The following CYP39A1 variants were observed in gnomAD, a reference collection of about 807,000 sequenced individuals.
CYP39A1 encodes cytochrome P450 family 39 subfamily A member 1.
A neutral mutation model predicts 58.1 loss-of-function variants in CYP39A1; 49 were observed. That is an observed-to-expected ratio of 0.84 (90% CI 0.67 to 1.07). CYP39A1 has a LOEUF of 1.07. CYP39A1 is among the 50% of genes least tolerant of loss of function. The pLI, the probability that CYP39A1 is intolerant of heterozygous loss-of-function variation, is 0.00. For synonymous variants in CYP39A1, 209 were observed against 187.6 expected (o/e 1.11, Z -0.93); for missense variants, 531 against 539.4 (o/e 0.98, Z 0.16).
chr6:46,594,809 A>G (rs1246256199), intron 8 of CYP39A1, among the ~76,000 whole-genome samples: 1 of 152,016 alleles, frequency 6.6e-6, no homozygotes, highest in Non-Finnish European at 1.5e-5. Flanking sequence ...AAATAGAAAA[A>G]TGGGATTACA....
chr6:46,644,483 T>C (rs879237462), intron 1 of CYP39A1, among the ~76,000 whole-genome samples: 4 of 152,134 alleles, frequency 2.6e-5, no homozygotes, highest in Non-Finnish European at 5.9e-5. Flanking sequence ...TTTGCACCAC[T>C]GCACTCTGGG....
intron 10 of CYP39A1, among the ~76,000 whole-genome samples, chr6:46,580,554 C>T (rs534722514): frequency 1.2e-4 from 19 of 152,214 alleles, no homozygotes; most frequent in African/African-American, 3.6e-4. Flanking sequence ...AAACTGTCAA[C>T]GGAGTAAACA....
chr6:46,636,324 A>G, intron 5 of CYP39A1, 65 bp downstream of exon 5: 1 of 1,260,058 alleles, frequency 7.9e-7, no homozygotes, highest in Non-Finnish European at 1.1e-6. Flanking sequence ...TTAGCAAAAT[A>G]TATTTTAACA....
At position 46,604,258 on chromosome 6, in the gene CYP39A1, A is replaced by G. The variant is rs548490432; in HGVS notation, c.932-8138T>C. On this transcript the variant is annotated intron_variant, in intron 7 of 11. Transcript: ENST00000275016. ...CTAAAACTGATCTGTTGAATAAAAGACTGTGGCCCAATTCTCTTTTCCCAT... is the reference window on the plus strand; with the variant it reads ...CTAAAACTGATCTGTTGAATAAAAGGCTGTGGCCCAATTCTCTTTTCCCAT... Among the ~76,000 whole-genome samples, 11 of 152,330 alleles carry G rather than the reference A, an allele frequency of 7.2e-5. No homozygotes were observed. In the South Asian group the frequency reaches 2.1e-3, roughly 29 times the overall value.
intron 11 of CYP39A1, among the ~76,000 whole-genome samples, chr6:46,552,363 A>G (rs1327225203): frequency 6.6e-6 from 1 of 152,198 alleles, no homozygotes; most frequent in East Asian, 1.9e-4. Context: ...CTTTCATTGT[A>G]AGATTCTGAG....
intron 7 of CYP39A1, among the ~76,000 whole-genome samples, chr6:46,615,202 T>C (rs1447918591): frequency 6.6e-6 from 1 of 151,704 alleles, no homozygotes; most frequent in African/African-American, 2.4e-5. Flanking sequence ...CGTATCAATA[T>C]GTGTGTTTGT....
chr6:46,644,981 C>T (rs1429847116), intron 1 of CYP39A1, among the ~76,000 whole-genome samples: 5 of 152,096 alleles, frequency 3.3e-5, no homozygotes, highest in African/African-American at 1.2e-4. Flanking sequence ...CATTTTCTAA[C>T]TGGATTTTGT....
chr6:46,631,121 G>C (rs758015858), intron 5 of CYP39A1, 51 bp from the exon 6 acceptor site: 11 of 1,318,278 alleles, frequency 8.3e-6, no homozygotes, highest in Non-Finnish European at 8.7e-6. Context: ...GACAAATATC[G>C]ATGTTAATAA....
At chr6:46,611,249 T>C (rs548130567) in intron 7 of CYP39A1, among the ~76,000 whole-genome samples, 1 of 152,376 alleles carries the variant, frequency 6.6e-6, no homozygotes, top group Admixed American at 6.5e-5. Context: ...CATATTCCTA[T>C]TGAAAAATTA....
At chr6:46,580,925 A>G (rs1772098657) in intron 10 of CYP39A1, among the ~76,000 whole-genome samples, 1 of 152,204 alleles carries the variant, frequency 6.6e-6, no homozygotes, top group South Asian at 2.1e-4. Context: ...TTCGGTCACT[A>G]TAAAAAGCAG....
intron 8 of CYP39A1, among the ~76,000 whole-genome samples, chr6:46,590,101 G>A (rs987023969): frequency 1.3e-5 from 2 of 152,198 alleles, no homozygotes; most frequent in African/African-American, 4.8e-5. Context: ...TGAGCAAGCA[G>A]ACATCATCAC....
At chr6:46,629,145 C>A in intron 6 of CYP39A1, among the ~76,000 whole-genome samples, 1 of 152,142 alleles carries the variant, frequency 6.6e-6, no homozygotes, top group Non-Finnish European at 1.5e-5. Context: ...GAGGTGCCAA[C>A]AAGAGCCAGT....
At chr6:46,623,281 AG>A (rs1486730725) in intron 7 of CYP39A1, among the ~76,000 whole-genome samples, 2 of 152,042 alleles carry the variant, frequency 1.3e-5, no homozygotes, top group Non-Finnish European at 2.9e-5. Flanking sequence ...TAGACTGAGT[AG>A]GGCAGACTGC....
At position 46,550,163 on chromosome 6, in the gene CYP39A1, G is replaced by A; in HGVS notation, c.*203C>T. The A allele has an allele frequency of 2.5e-6, 1 of 394,466 alleles. No individual in the cohort carries two copies. Among genetic ancestry groups the A allele is most frequent in the East Asian group, 3.7e-5 (1 of 26,936 alleles). The allele number at this position is 394,466 out of a possible 1,614,324, so 24.4% of individuals were successfully genotyped here. A position where few individuals can be genotyped will look rare whatever the true frequency, so the allele number is the denominator to read the frequency against. The stretch of plus-strand genomic sequence containing the variant: ...CATTTCCTATAAACCATGTATTCCG[G>A]TCTCTATATTACTGAGAGTGATGTT... On this transcript the variant is annotated 3_prime_UTR_variant, in exon 12 of 12. Transcript: ENST00000275016.
intron 10 of CYP39A1, among the ~76,000 whole-genome samples, chr6:46,577,716 A>G (rs1771912346): frequency 6.6e-6 from 1 of 152,214 alleles, no homozygotes; most frequent in African/African-American, 2.4e-5. Context: ...GTTAAATTCA[A>G]CAAGAAGAGT....
At chr6:46,648,974 G>C (rs190477450) in intron 1 of CYP39A1, among the ~76,000 whole-genome samples, 4 of 152,250 alleles carry the variant, frequency 2.6e-5, no homozygotes, top group Admixed American at 1.3e-4. Flanking sequence ...ATAAACAAAA[G>C]ACTGATATAA....
At chr6:46,607,509 A>G (rs1773921805) in intron 7 of CYP39A1, among the ~76,000 whole-genome samples, 1 of 151,894 alleles carries the variant, frequency 6.6e-6, no homozygotes, top group Non-Finnish European at 1.5e-5. Flanking sequence ...ATGCAGACAT[A>G]GTAAGTAAAT....
At chr6:46,600,610 G>A (rs1773431914) in intron 7 of CYP39A1, among the ~76,000 whole-genome samples, 1 of 152,102 alleles carries the variant, frequency 6.6e-6, no homozygotes, top group South Asian at 2.1e-4. Context: ...AATCAATCAT[G>A]CCTTTGTACT....
At chr6:46,647,162 T>C (rs569588745) in intron 1 of CYP39A1, among the ~76,000 whole-genome samples, 1 of 152,288 alleles carries the variant, frequency 6.6e-6, no homozygotes, top group South Asian at 2.1e-4. Flanking sequence ...TATAAGCACA[T>C]AGTGATAGAA....
Sources: gnomAD v4.1 joint callset for allele counts (sites outside exome capture counted in the v4.1 genomes callset) on GRCh38, gnomAD v4.1.1 for gene constraint, MANE v1.5 for transcripts, NCBI Gene and HGNC (gene_info 2026-07-23, HGNC 2026-07-21) for gene names.